Variants in TLE1 observed in about 807,000 individuals in gnomAD.
The protein encoded by TLE1 is transducin-like enhancer protein 1.
TLE1 carries 21 observed loss-of-function variants against 89.8 expected under a neutral mutation model. The observed-to-expected ratio is 0.23, with a 90% CI of 0.17 to 0.34. The LOEUF is 0.34. TLE1 is among the 10% of genes least tolerant of loss of function. The probability of loss-of-function intolerance (pLI) is 1.00; values close to 1 mark genes in which losing one functional copy is unlikely to be tolerated. For synonymous variants in TLE1, 447 were observed against 407.6 expected (o/e 1.10, Z -1.16); for missense variants, 795 against 1,031.2 (o/e 0.77, Z 3.14).
intron 4 of TLE1, among the ~76,000 whole-genome samples, chr9:81,660,541 G>C (rs1830638120): frequency 6.6e-6 from 1 of 151,814 alleles, no homozygotes; most frequent in Admixed American, 6.6e-5. Context: ...AGCCTCCTGA[G>C]TAGCTGGGAC....
At chr9:81,590,765 A>G (rs1333107389) in intron 16 of TLE1, 40 bp downstream of exon 16, 3 of 1,597,682 alleles carry the variant, frequency 1.9e-6, no homozygotes, top group Non-Finnish European at 2.6e-6. Context: ...CCCAGCTGCT[A>G]AAGAAGCGAA....
intron 5 of TLE1, among the ~76,000 whole-genome samples, chr9:81,653,337 T>C (rs1231661310): frequency 6.6e-6 from 1 of 152,168 alleles, no homozygotes. Context: ...CTAGCTTATA[T>C]CCAGAAGGAA....
intron 4 of TLE1, among the ~76,000 whole-genome samples, chr9:81,679,230 T>G (rs1232332585): frequency 6.6e-6 from 1 of 152,198 alleles, no homozygotes; most frequent in East Asian, 1.9e-4. Context: ...ATATCAACAC[T>G]TCCTGGATTT....
chr9:81,642,254 G>A (rs1301081229), intron 6 of TLE1, among the ~76,000 whole-genome samples: 2 of 152,138 alleles, frequency 1.3e-5, no homozygotes, highest in Admixed American at 1.3e-4. Context: ...TTTCTGAAGT[G>A]CTTGGGACCA....
intron 14 of TLE1, among the ~76,000 whole-genome samples, chr9:81,608,247 T>C (rs1457709131): frequency 6.6e-6 from 1 of 151,790 alleles, no homozygotes; most frequent in Non-Finnish European, 1.5e-5. Context: ...CACCAATCAG[T>C]GGAATACAAT....
chr9:81,634,010 T>TG (rs1281842712), intron 7 of TLE1, 87 bp downstream of exon 7: 10 of 1,393,332 alleles, frequency 7.2e-6, no homozygotes, highest in Non-Finnish European at 3.9e-6. Flanking sequence ...CTGTATAGGT[T>TG]GGGGCTCTCT....
chr9:81,615,105 AAAAAAAAAAAAAAAAAGAAGAAG>A (rs1312936581), intron 11 of TLE1, among the ~76,000 whole-genome samples: 1,367 of 125,166 alleles, frequency 0.011, 98 homozygotes, highest in African/African-American at 0.038. Context: ...AAAAAAAAAA[AAAAAAAAAAAAAAAAAGAAGAAG>A]AAGAAGAAGG....
chr9:81,664,709 G>GAA (rs60095023), intron 4 of TLE1, among the ~76,000 whole-genome samples: 18 of 146,646 alleles, frequency 1.2e-4, no homozygotes, highest in South Asian at 2.2e-4. Flanking sequence ...TTTTAATTAA[G>GAA]AAAAAAAAAA....
intron 18 of TLE1, 45 bp downstream of exon 18, chr9:81,585,460 A>G: frequency 3.1e-6 from 5 of 1,590,798 alleles, no homozygotes; most frequent in Non-Finnish European, 4.3e-6. Flanking sequence ...AGCATTTTCC[A>G]TTTGGGCCAT....
At chr9:81,597,756 C>T (rs566659368) in intron 14 of TLE1, among the ~76,000 whole-genome samples, 34 of 152,162 alleles carry the variant, frequency 2.2e-4, no homozygotes, top group Non-Finnish European at 4.4e-4. Context: ...GATATAAAAA[C>T]CCATTAAGAG....
rs1326214424 is a variant in TLE1 at position 81,687,284 on chromosome 9, G to A, written c.125+50C>T. ...GCCGCCGCCACCCGGCTGGGTGCAA[G>A]GGGCACCGGGACGCCCGCGACCACT... is the stretch of plus-strand genomic sequence containing the variant. On this transcript the variant is annotated intron_variant, in intron 2 of 19. Transcript: ENST00000376499. The A allele has an allele frequency of 3.9e-6, 6 of 1,520,296 alleles. No individual in the cohort carries two copies. The Admixed American group carries it at 5.8e-5, about 15-fold the overall frequency. 94.2% of individuals were successfully genotyped at this position (1,520,296 alleles called of 1,614,324 possible).
At chr9:81,601,067 C>T (rs537452329) in intron 14 of TLE1, among the ~76,000 whole-genome samples, 4 of 152,178 alleles carry the variant, frequency 2.6e-5, no homozygotes, top group Non-Finnish European at 5.9e-5. Context: ...ATATCCATAT[C>T]TATAGTTTAT....
At chr9:81,601,800 G>A (rs776754863) in intron 14 of TLE1, among the ~76,000 whole-genome samples, 11 of 152,100 alleles carry the variant, frequency 7.2e-5, no homozygotes, top group South Asian at 2.1e-4. Flanking sequence ...TTAATAATTC[G>A]AAAATGCGAA....
intron 6 of TLE1, among the ~76,000 whole-genome samples, chr9:81,650,985 C>T (rs958358813): frequency 1.3e-5 from 2 of 152,148 alleles, no homozygotes; most frequent in African/African-American, 4.8e-5. Flanking sequence ...CAAGCTGAGG[C>T]TCATTCTTTA....
intron 4 of TLE1, among the ~76,000 whole-genome samples, chr9:81,683,150 A>G (rs776876992): frequency 4.6e-5 from 7 of 152,036 alleles, no homozygotes; most frequent in Non-Finnish European, 8.8e-5. Flanking sequence ...GGGAAGGGAG[A>G]GCGGTCGTCA....
chr9:81,677,932 G>A (rs1034239301), intron 4 of TLE1, among the ~76,000 whole-genome samples: 1 of 152,058 alleles, frequency 6.6e-6, no homozygotes, highest in Non-Finnish European at 1.5e-5. Flanking sequence ...TCTCTATTTG[G>A]AAGATGAAAA....
At chr9:81,590,311 C>G (rs1829302122) in intron 16 of TLE1, among the ~76,000 whole-genome samples, 1 of 152,170 alleles carries the variant, frequency 6.6e-6, no homozygotes, top group Admixed American at 6.5e-5. Flanking sequence ...GGAACCACCC[C>G]TGGGCAGGTC....
intron 6 of TLE1, among the ~76,000 whole-genome samples, chr9:81,637,842 A>AC (rs1287559647): frequency 1.3e-5 from 2 of 152,004 alleles, no homozygotes; most frequent in East Asian, 3.9e-4. Context: ...AGCTTGGAAC[A>AC]CATCTGAGTC....
chr9:81,652,116 C>T (rs1191833987), intron 6 of TLE1, 98 bp downstream of exon 6: 2 of 1,142,040 alleles, frequency 1.8e-6, no homozygotes, highest in Non-Finnish European at 2.6e-6. Flanking sequence ...TACACACACA[C>T]ACACACACAC....
Sources: gnomAD v4.1 joint callset for allele counts (sites outside exome capture counted in the v4.1 genomes callset) on GRCh38, gnomAD v4.1.1 for gene constraint, MANE v1.5 for transcripts, NCBI Gene and HGNC (gene_info 2026-07-23, HGNC 2026-07-21) for gene names.